Variants in ANKRD30A observed in about 807,000 individuals in gnomAD.
ANKRD30A encodes the protein ankyrin repeat domain-containing protein 30A.
Under a neutral mutation model 166.3 loss-of-function variants are expected in ANKRD30A, and 170 were observed. The observed-to-expected ratio is 1.02, with a 90% CI of 0.90 to 1.16. The LOEUF (loss-of-function observed/expected upper bound fraction) is 1.16, where lower values mean the gene tolerates loss of function less well. Ranked by LOEUF, ANKRD30A falls within the 50% of genes most tolerant of loss-of-function variation. The pLI is 0.00. For missense variants in ANKRD30A, 1,630 were observed against 1,518.0 expected (o/e 1.07, Z -1.23); for synonymous variants, 564 against 508.9 (o/e 1.11, Z -1.46).
At chr10:37,155,647 G>A (rs1394722689) in intron 13 of ANKRD30A, among the ~76,000 whole-genome samples, 1 of 152,150 alleles carries the variant, frequency 6.6e-6, no homozygotes. Context: ...TTCCAGATCA[G>A]TTTTCTCCTT....
Position 37,219,715 on chromosome 10 carries a change from C to T in ANKRD30A, c.4003C>T (p.Gln1335Ter), listed in dbSNP as rs776427206. 1.7e-5 allele frequency: 28 copies of T among 1,609,032 alleles called. No homozygotes were observed. Among genetic ancestry groups the T allele is most frequent in the African/African-American group, 4.0e-5 (3 of 74,496 alleles). Residue 1335 changes from glutamine to a stop codon, truncating the protein, a stop_gained, in exon 34 of 36, where the codon CAG (glutamine) becomes TAG (stop). Coordinates refer to ENST00000361713, the MANE Select transcript of ANKRD30A (RefSeq NM_052997.3). LOFTEE classifies it high-confidence loss of function. Reference protein sequence around the residue: ...QLQSKNMWLQQQLVHAHKKAD... With the variant: ...QLQSKNMWLQ ...ACAAAGCAAAAATATGTGGCTTCAACAGCAATTAGTTCATGCACATAAGAA... is the reference window on the plus strand; with the variant it reads ...ACAAAGCAAAAATATGTGGCTTCAATAGCAATTAGTTCATGCACATAAGAA...
At chr10:37,248,785 T>A in the ANKRD30A span, among the ~76,000 whole-genome samples, 1 of 151,266 alleles carries the variant, frequency 6.6e-6, no homozygotes, top group Non-Finnish European at 1.5e-5. Context: ...AGATGCTGAG[T>A]TGGGTGTTAA....
intron 13 of ANKRD30A, among the ~76,000 whole-genome samples, chr10:37,156,937 A>C (rs1162386630): frequency 2.0e-5 from 3 of 152,150 alleles, no homozygotes; most frequent in Non-Finnish European, 2.9e-5. Context: ...GTTAGACATA[A>C]ATTTTGTGTG....
Position 37,219,526 on chromosome 10 carries a change from G to C in ANKRD30A, c.3814G>C (p.Asp1272His). 6.2e-7 allele frequency: 1 copy of C among 1,610,210 alleles called. No homozygotes were observed. Among genetic ancestry groups the C allele is most frequent in the South Asian group, 1.1e-5 (1 of 90,958 alleles). The change falls in exon 34 of 36, where the codon GAT (aspartate) becomes CAT (histidine). Residue 1272 changes from aspartate to histidine, a missense_variant. Coordinates refer to ENST00000361713, the MANE Select transcript of ANKRD30A (RefSeq NM_052997.3). Reference sequence around the variant, plus strand: ...AAAAATTAATCTCAATTATGCAGGAGATGCTCTAAGAGAAAATACATTGGT... The same window carrying C: ...AAAAATTAATCTCAATTATGCAGGACATGCTCTAAGAGAAAATACATTGGT... ...SLKINLNYAG[D>H]ALRENTLVSE...
At chr10:37,240,328 C>A in the ANKRD30A span, among the ~76,000 whole-genome samples, 4 of 152,080 alleles carry the variant, frequency 2.6e-5, no homozygotes, top group Admixed American at 6.6e-5. Flanking sequence ...ACAAAGGCAT[C>A]ATTCTCTTCT....
intron 1 of ANKRD30A, among the ~76,000 whole-genome samples, chr10:37,126,442 T>C (rs933590218): frequency 6.6e-6 from 1 of 152,230 alleles, no homozygotes; most frequent in African/African-American, 2.4e-5. Context: ...ACTTCTTGGC[T>C]AAAAATTATC....
intron 15 of ANKRD30A, among the ~76,000 whole-genome samples, chr10:37,162,327 A>G (rs1044579713): frequency 1.3e-5 from 2 of 152,178 alleles, no homozygotes; most frequent in Non-Finnish European, 2.9e-5. Context: ...AGTGATTCTA[A>G]TGTGTTTCAT....
chr10:37,254,683 C>CTTTTTTTTTTTTTTTT, the ANKRD30A span, among the ~76,000 whole-genome samples: 23 of 126,532 alleles, frequency 1.8e-4, no homozygotes, highest in South Asian at 2.5e-4. Flanking sequence ...CTTTTCTTTT[C>CTTTTTTTTTTTTTTTT]TTTTTTTTTT....
intron 21 of ANKRD30A, among the ~76,000 whole-genome samples, chr10:37,171,677 A>G (rs1266334931): frequency 6.6e-6 from 1 of 151,240 alleles, no homozygotes; most frequent in East Asian, 1.9e-4. Context: ...CTGAAGTTGC[A>G]CCTCTGAGTC....
chr10:37,167,333 T>C (rs577140844), intron 19 of ANKRD30A, among the ~76,000 whole-genome samples: 3 of 147,662 alleles, frequency 2.0e-5, no homozygotes, highest in Non-Finnish European at 3.0e-5. Context: ...TTTTTGATGT[T>C]CACAATTTGA....
chr10:37,210,553 C>A (rs1364425371), intron 31 of ANKRD30A, among the ~76,000 whole-genome samples: 2 of 152,154 alleles, frequency 1.3e-5, no homozygotes, highest in East Asian at 3.9e-4. Flanking sequence ...CTCTCTTCTA[C>A]AATGGTTGAA....
In ANKRD30A at chr10:37,149,672, C is replaced by T. The variant is rs2132552416; in HGVS notation, c.1565C>T (p.Ala522Val). 1 of 1,612,372 alleles carries T rather than the reference C, an allele frequency of 6.2e-7. No individual in the cohort carries two copies. ...EVEEPPKKPS[A>V]FKPAIEMQNS... The stretch of plus-strand genomic sequence containing the variant: ...TTAGAGCCTCCTAAGAAGCCATCTG[C>T]CTTCAAGGTATTTAGTTTTATTATT... Residue 522 changes from alanine (A) to valine (V), a missense_variant, in exon 10 of 36, where the codon GCC becomes GTC. Around this residue, in one of 4 missense-constraint regions of ANKRD30A, gnomAD observed 904 missense variants for 818.5 expected, o/e 1.10. Transcript: ENST00000361713.
At chr10:37,171,444 A>G (rs1331953271) in intron 21 of ANKRD30A, among the ~76,000 whole-genome samples, 3 of 150,526 alleles carry the variant, frequency 2.0e-5, no homozygotes, top group Admixed American at 6.6e-5. Flanking sequence ...CTCATTAACC[A>G]TGAAAATTAT....
chr10:37,158,052 A>T (rs1306383657), intron 13 of ANKRD30A, among the ~76,000 whole-genome samples: 1 of 152,056 alleles, frequency 6.6e-6, no homozygotes, highest in African/African-American at 2.4e-5. Flanking sequence ...GTGTGGCATG[A>T]CTTGGTCATC....
At chr10:37,136,829 G>GTA (rs1303003146) in intron 6 of ANKRD30A, among the ~76,000 whole-genome samples, 158 bp downstream of exon 6, 88 of 93,428 alleles carry the variant, frequency 9.4e-4, no homozygotes, top group African/African-American at 3.2e-3. Flanking sequence ...GTGTGTGTGT[G>GTA]TGTATATATA....
chr10:37,237,507 C>T (rs923511864), downstream of ANKRD30A, among the ~76,000 whole-genome samples: 2 of 152,008 alleles, frequency 1.3e-5, no homozygotes, highest in Non-Finnish European at 2.9e-5. Context: ...TATGGGACAT[C>T]GTTTAAAAAC....
intron 31 of ANKRD30A, among the ~76,000 whole-genome samples, chr10:37,210,223 T>A (rs1369325750): frequency 6.6e-6 from 1 of 152,196 alleles, no homozygotes; most frequent in Non-Finnish European, 1.5e-5. Flanking sequence ...TTTGGTTTTC[T>A]GTTCTTGTGC....
intron 15 of ANKRD30A, among the ~76,000 whole-genome samples, chr10:37,161,454 G>C (rs1474833673): frequency 6.6e-6 from 1 of 152,022 alleles, no homozygotes; most frequent in Non-Finnish European, 1.5e-5. Context: ...TTTATTTTCT[G>C]TTTTTATTTT....
downstream of ANKRD30A, among the ~76,000 whole-genome samples, chr10:37,236,757 T>G (rs980838683): frequency 2.9e-4 from 44 of 152,252 alleles, no homozygotes; most frequent in Admixed American, 2.6e-4. Context: ...ATATGTTTTG[T>G]GTCTTCAATT....
Sources: gnomAD v4.1 joint callset for allele counts (sites outside exome capture counted in the v4.1 genomes callset) on GRCh38, gnomAD v4.1.1 for gene constraint, gnomAD v4.1.1 regional missense constraint, MANE v1.5 for transcripts, NCBI Gene and HGNC (gene_info 2026-07-23, HGNC 2026-07-21) for gene names.